CASS4: variants seen among roughly 807,000 people sequenced by gnomAD.
CASS4 encodes the protein cas scaffolding protein family member 4.
In CASS4, 22 loss-of-function variants were observed where a neutral mutation model predicts 54.2. The observed-to-expected ratio is 0.41, with a 90% confidence interval of 0.29 to 0.58. The LOEUF is 0.58. Among genes scored for constraint, CASS4 ranks in the 20% least tolerant of loss-of-function variants. CASS4 has a pLI of 0.36. For synonymous variants in CASS4, 409 were observed against 391.5 expected (o/e 1.04, Z -0.53); for missense variants, 854 against 986.7 (o/e 0.87, Z 1.80).
intron 1 of CASS4, among the ~76,000 whole-genome samples, chr20:56,415,579 C>A (rs997314734): frequency 1.3e-5 from 2 of 152,238 alleles, no homozygotes; most frequent in African/African-American, 2.4e-5. Context: ...TCTCATTAAT[C>A]TTAATGCCTA....
At chr20:56,416,314 T>C (rs1246391526) in intron 1 of CASS4, among the ~76,000 whole-genome samples, 1 of 152,190 alleles carries the variant, frequency 6.6e-6, no homozygotes, top group African/African-American at 2.4e-5. Flanking sequence ...CCTCCCAAAG[T>C]GCTGGGATTA....
rs6014722 is a variant in CASS4 at position 56,414,777 on chromosome 20, T to A, written c.36+2283T>A. Among the ~76,000 whole-genome samples, 15,675 of 152,102 alleles carry A rather than the reference T, an allele frequency of 0.1. 1,040 individuals carry two copies. The highest frequency in any genetic ancestry group is 0.17 in the African/African-American group (7,030 of 41,478). ...CTGGCCAAAATGGTGAAACCCCATCTCTAGTAAAAATACAAAAAAATTAGC... is the reference window on the plus strand; with the variant it reads ...CTGGCCAAAATGGTGAAACCCCATCACTAGTAAAAATACAAAAAAATTAGC... On this transcript the variant is annotated intron_variant, in intron 1 of 5. Coordinates refer to ENST00000679887, the MANE Select transcript of CASS4 (RefSeq NM_020356.4). This position sits in a 1 kb window ranked among gnomAD's most constrained non-coding sequence, Gnocchi z 4.1.
intron 2 of CASS4, among the ~76,000 whole-genome samples, chr20:56,440,298 G>C (rs539885254): frequency 2.6e-5 from 4 of 152,310 alleles, no homozygotes; most frequent in African/African-American, 7.2e-5. Flanking sequence ...GCAGAGCTTT[G>C]CTGAGGTTTC....
chr20:56,416,528 C>CGTGTGTGTGTGT (rs3219626), intron 1 of CASS4, among the ~76,000 whole-genome samples: 2 of 149,198 alleles, frequency 1.3e-5, no homozygotes, highest in Admixed American at 6.7e-5. Flanking sequence ...TGTTTACTTC[C>CGTGTGTGTGTGT]GTGTGTGTGT....
intron 1 of CASS4, among the ~76,000 whole-genome samples, chr20:56,436,225 ATAACAGTCACAGCTGCCTGTAC>A (rs1980152412): frequency 6.6e-6 from 1 of 152,040 alleles, no homozygotes; most frequent in Admixed American, 6.6e-5. Context: ...TCTAATAGTA[ATAACAGTCACAGCTGCCTGTAC>A]CAAGTACTTA....
At chr20:56,451,660 G>T (rs1245766120) in intron 4 of CASS4, among the ~76,000 whole-genome samples, 159 bp from the exon 5 acceptor site, 1 of 152,152 alleles carries the variant, frequency 6.6e-6, no homozygotes, top group Non-Finnish European at 1.5e-5. Context: ...GGTGGAAGTC[G>T]AAAGAAATGA....
chr20:56,445,892 T>A lies in CASS4; in HGVS notation c.460-8T>A. On this transcript the variant is annotated splice_region_variant and splice_polypyrimidine_tract_variant and intron_variant, in intron 2 of 5. Transcript: ENST00000679887. Reference sequence around the variant, plus strand: ...CCTTTTCCTCTTTTCTCCTCCTTTCTCTCCAAGGCCATCCTCACGCTTCCC... The same window carrying A: ...CCTTTTCCTCTTTTCTCCTCCTTTCACTCCAAGGCCATCCTCACGCTTCCC... The A allele has an allele frequency of 6.2e-7, 1 of 1,605,634 alleles. No individual in the cohort carries two copies. Among genetic ancestry groups the A allele is most frequent in the Non-Finnish European group, 8.5e-7 (1 of 1,172,710 alleles).
At chr20:56,455,353 T>C (rs1981240132) in intron 5 of CASS4, among the ~76,000 whole-genome samples, 1 of 152,166 alleles carries the variant, frequency 6.6e-6, no homozygotes, top group African/African-American at 2.4e-5. Flanking sequence ...AAAGGTTGTC[T>C]CTGAATAACT....
chr20:56,412,338 T>C lies in CASS4; in HGVS notation c.-121T>C. 9.5e-7 allele frequency: 1 copy of C among 1,054,768 alleles called. No individual in the cohort carries two copies. Among genetic ancestry groups the C allele is most frequent in the Non-Finnish European group, 1.4e-6 (1 of 703,006 alleles). 65.3% of individuals were successfully genotyped at this position (1,054,768 alleles called of 1,614,324 possible). A position where few individuals can be genotyped will look rare whatever the true frequency, so the allele number is the denominator to read the frequency against. On this transcript the variant is annotated 5_prime_UTR_variant, in exon 1 of 6. Coordinates refer to ENST00000679887, the MANE Select transcript of CASS4 (RefSeq NM_020356.4). The surrounding 1 kb of genome is among the most constrained non-coding windows in gnomAD (Gnocchi z 4.2). ...TGATCGTTTCCCATGTGTTGTCAGA[T>C]AGCTCCATAGAATTCAGTTTCTGAG...
In CASS4 at chr20:56,453,111, G is replaced by T. The variant is rs2870738; in HGVS notation, c.1935G>T (p.Arg645Ser). 6.2e-7 allele frequency: 1 copy of T among 1,612,582 alleles called. No individual in the cohort carries two copies. The highest frequency in any genetic ancestry group is 1.1e-5 in the South Asian group (1 of 91,026). ...EHSSELLKKN[R>S]ANICGQNPGP... The stretch of plus-strand genomic sequence containing the variant: ...CTTCTGAACTATTAAAGAAAAATAG[G>T]GCAAATATCTGTGGACAGGTGAGTT... Residue 645 changes from arginine to serine, a missense_variant, in exon 5 of 6, where the codon AGG becomes AGT. Coordinates refer to ENST00000679887, the MANE Select transcript of CASS4 (RefSeq NM_020356.4).
At chr20:56,427,879 C>G (rs1465412143) in intron 1 of CASS4, among the ~76,000 whole-genome samples, 2 of 152,160 alleles carry the variant, frequency 1.3e-5, no homozygotes, top group Admixed American at 1.3e-4. Context: ...GAGAAGGAAG[C>G]CGAAATGCGA....
Position 56,451,966 on chromosome 20 carries a change from G to C in CASS4, c.790G>C (p.Ala264Pro). Residue 264 changes from alanine (A) to proline (P), a missense_variant, in exon 5 of 6, where the codon GCG (alanine) becomes CCG (proline). Physicochemically the swap from Ala to Pro is conservative, Grantham distance 27. Transcript: ENST00000679887. ...CAGAAACACGCCTCTCACCAGCTTT[G>C]CGGAAGAATCAAGGCCCCACGCTCT... ...SVRNTPLTSFAEESRPHALPS... is the reference protein window; with the variant it reads ...SVRNTPLTSFPEESRPHALPS... 1 of 1,614,168 alleles carries C rather than the reference G, an allele frequency of 6.2e-7. No homozygotes were observed. Among genetic ancestry groups the C allele is most frequent in the South Asian group, 1.1e-5 (1 of 91,086 alleles).
At chr20:56,450,730 C>T in intron 4 of CASS4, 51 bp downstream of exon 4, 1 of 1,562,232 alleles carries the variant, frequency 6.4e-7, no homozygotes, top group Non-Finnish European at 8.8e-7. Flanking sequence ...ACAAAATCCT[C>T]TCAGAAATGT....
At chr20:56,453,206 C>A (rs759659449) in intron 5 of CASS4, 77 bp downstream of exon 5, 7 of 1,054,976 alleles carry the variant, frequency 6.6e-6, no homozygotes, top group Non-Finnish European at 8.3e-6. Flanking sequence ...GATGCTGAGA[C>A]TCTTTCCATA....
intron 2 of CASS4, among the ~76,000 whole-genome samples, chr20:56,439,211 C>G (rs1025505269): frequency 6.6e-6 from 1 of 151,968 alleles, no homozygotes; most frequent in Admixed American, 6.5e-5. Context: ...CTCTGTCTCC[C>G]AGGCTGGAAT....
chr20:56,453,188 G>T, intron 5 of CASS4, 59 bp downstream of exon 5: 1 of 1,248,544 alleles, frequency 8.0e-7, no homozygotes, highest in Non-Finnish European at 1.1e-6. Context: ...TGGAGTAGTG[G>T]CTACTAAGAT....
chr20:56,458,744 A>T lies in CASS4; in HGVS notation c.2358A>T (p.Gly786=). Residue 786 remains glycine (G), a synonymous_variant, in exon 6 of 6, where the codon GGA becomes GGT. Transcript: ENST00000679887. ...CGCGGCAGTTCAGAGGGACACTGGG[A>T]TGAGGACTGTCTACCTCCCTTCCTC... ...QHTRQFRGTL[G] is the part of the protein sequence containing the mutation. 1 of 1,598,254 alleles carries T rather than the reference A, an allele frequency of 6.3e-7. No individual in the cohort carries two copies. The highest frequency in any genetic ancestry group is 8.5e-7 in the Non-Finnish European group (1 of 1,170,476).
At chr20:56,418,948 C>T (rs527956104) in intron 1 of CASS4, among the ~76,000 whole-genome samples, 87 of 152,240 alleles carry the variant, frequency 5.7e-4, no homozygotes, top group African/African-American at 2.0e-3. Flanking sequence ...TTATTGGTTC[C>T]CCTGTTTAAT....
chr20:56,436,071 A>G (rs1305228317), intron 1 of CASS4, among the ~76,000 whole-genome samples: 1 of 152,084 alleles, frequency 6.6e-6, no homozygotes, highest in South Asian at 2.1e-4. Context: ...TCACTTATTA[A>G]TGAACATTTA....
Sources: allele counts gnomAD v4.1 joint callset (sites outside exome capture counted in the v4.1 genomes callset), GRCh38; gene constraint gnomAD v4.1.1; non-coding constraint Gnocchi (gnomAD v3.1); transcripts MANE v1.5; gene names NCBI Gene and HGNC (gene_info 2026-07-23, HGNC 2026-07-21).